The following TMEM178B variants were observed in gnomAD, a reference collection of about 807,000 sequenced individuals.
TMEM178B encodes the protein transmembrane protein 178B.
In TMEM178B, 5 loss-of-function variants were observed where a neutral mutation model predicts 31.0. That is an observed-to-expected ratio of 0.16 (90% CI 0.08 to 0.34). TMEM178B has a LOEUF of 0.34. Ranked by LOEUF, TMEM178B falls within the 10% of genes least tolerant of loss-of-function variation. The pLI is 1.00. For synonymous variants in TMEM178B, 164 were observed against 164.0 expected (o/e 1.00, Z 0.00); for missense variants, 275 against 400.3 (o/e 0.69, Z 2.67).
At chr7:141,274,621 GTCCAA>G (rs561929302) in intron 2 of TMEM178B, among the ~76,000 whole-genome samples, 9 of 152,206 alleles carry the variant, frequency 5.9e-5, no homozygotes, top group Non-Finnish European at 1.3e-4. Flanking sequence ...CAATCTGCAG[GTCCAA>G]GCTCTGTCCA....
At position 141,210,932 on chromosome 7, in the gene TMEM178B, G is replaced by T. The variant is rs1280651908; in HGVS notation, c.383-1659G>T. On this transcript the variant is annotated intron_variant, in intron 1 of 3. Coordinates refer to ENST00000565468, the MANE Select transcript of TMEM178B (RefSeq NM_001195278.2). ...ACCAGCTGGATGTCAGGAAGGCAGGGCGCCCTTGAGGAGGAGGCAGCATTT... is the reference window on the plus strand; with the variant it reads ...ACCAGCTGGATGTCAGGAAGGCAGGTCGCCCTTGAGGAGGAGGCAGCATTT... Among the ~76,000 whole-genome samples the T allele has an allele frequency of 3.3e-5, 5 of 152,270 alleles. No homozygotes were observed. In the East Asian group the frequency reaches 9.6e-4, roughly 29 times the overall value.
At chr7:141,494,320 T>C in the TMEM178B span, among the ~76,000 whole-genome samples, 12 of 152,202 alleles carry the variant, frequency 7.9e-5, no homozygotes, top group Non-Finnish European at 1.5e-4. Flanking sequence ...AAAAGTTGAT[T>C]CTGATTTCAG....
intron 2 of TMEM178B, among the ~76,000 whole-genome samples, chr7:141,361,701 C>T (rs960193420): frequency 2.6e-5 from 4 of 152,224 alleles, no homozygotes; most frequent in African/African-American, 9.6e-5. Context: ...CCATCACCCT[C>T]TCTTGATTGT....
intron 1 of TMEM178B, among the ~76,000 whole-genome samples, chr7:141,079,246 C>T (rs916799332): frequency 2.7e-4 from 41 of 152,222 alleles, no homozygotes; most frequent in African/African-American, 9.4e-4. Flanking sequence ...GGTATCATGC[C>T]GTTGCACTCC....
chr7:141,145,567 CT>C (rs1444109115), intron 1 of TMEM178B, among the ~76,000 whole-genome samples: 11 of 152,310 alleles, frequency 7.2e-5, no homozygotes, highest in Non-Finnish European at 1.5e-4. Flanking sequence ...GTATTCACCC[CT>C]GAGCCAGGCA....
chr7:141,162,327 C>A (rs1470430714), intron 1 of TMEM178B, among the ~76,000 whole-genome samples: 1 of 152,220 alleles, frequency 6.6e-6, no homozygotes, highest in East Asian at 1.9e-4. Context: ...GTGGCCTGAC[C>A]GTCCTTTGAC....
At chr7:141,456,627 GT>G (rs1933471644) in intron 3 of TMEM178B, among the ~76,000 whole-genome samples, 1 of 152,212 alleles carries the variant, frequency 6.6e-6, no homozygotes. Context: ...GGAAGATGCA[GT>G]GTCAGAAAAG....
At chr7:141,177,423 G>A (rs1238376936) in intron 1 of TMEM178B, among the ~76,000 whole-genome samples, 1 of 152,218 alleles carries the variant, frequency 6.6e-6, no homozygotes, top group East Asian at 1.9e-4. Flanking sequence ...ATATTCTGTT[G>A]ATTTGGGGTG....
intron 2 of TMEM178B, among the ~76,000 whole-genome samples, chr7:141,301,261 G>A (rs1395855149): frequency 1.3e-5 from 2 of 152,208 alleles, no homozygotes; most frequent in Non-Finnish European, 2.9e-5. Flanking sequence ...ATGGGGTTGT[G>A]TGGGTATCCT....
intron 2 of TMEM178B, among the ~76,000 whole-genome samples, chr7:141,335,191 G>A (rs1799363185): frequency 6.6e-6 from 1 of 152,132 alleles, no homozygotes; most frequent in South Asian, 2.1e-4. Context: ...AGAGAGTCTG[G>A]CCCAGCAGAA....
chr7:141,371,259 A>G (rs1800110182), intron 2 of TMEM178B, among the ~76,000 whole-genome samples: 1 of 151,920 alleles, frequency 6.6e-6, no homozygotes, highest in Non-Finnish European at 1.5e-5. Flanking sequence ...GGGGTAAGTG[A>G]GTTCTCACTC....
intron 3 of TMEM178B, among the ~76,000 whole-genome samples, chr7:141,443,924 C>G (rs747285016): frequency 1.3e-5 from 2 of 152,188 alleles, no homozygotes; most frequent in Non-Finnish European, 2.9e-5. Flanking sequence ...TTGTTGCTCT[C>G]ATTGGTACAG....
At chr7:141,288,663 G>C (rs1049393528) in intron 2 of TMEM178B, among the ~76,000 whole-genome samples, 2 of 152,148 alleles carry the variant, frequency 1.3e-5, no homozygotes, top group African/African-American at 4.8e-5. Context: ...GTCCTTTGCA[G>C]ACGGACTGCT....
intron 1 of TMEM178B, among the ~76,000 whole-genome samples, chr7:141,081,525 A>T (rs1794684953): frequency 6.6e-6 from 1 of 152,028 alleles, no homozygotes; most frequent in Non-Finnish European, 1.5e-5. Flanking sequence ...AATCCCAGCT[A>T]CTTGGGAGGC....
intron 2 of TMEM178B, among the ~76,000 whole-genome samples, chr7:141,384,710 G>A (rs1039218501): frequency 1.3e-5 from 2 of 152,240 alleles, no homozygotes; most frequent in Admixed American, 6.5e-5. Flanking sequence ...CTCTTTTTTG[G>A]TTCCATATGA....
intron 2 of TMEM178B, among the ~76,000 whole-genome samples, chr7:141,314,471 G>A (rs752235036): frequency 6.6e-6 from 1 of 152,160 alleles, no homozygotes; most frequent in Non-Finnish European, 1.5e-5. Flanking sequence ...GCAATCGTGT[G>A]GTTGCTTATA....
At chr7:141,508,664 T>A in the TMEM178B span, among the ~76,000 whole-genome samples, 1 of 152,192 alleles carries the variant, frequency 6.6e-6, no homozygotes, top group African/African-American at 2.4e-5. Context: ...GAAAGGCACT[T>A]CTTACATGGT....
At chr7:141,321,292 A>G (rs1270230011) in intron 2 of TMEM178B, among the ~76,000 whole-genome samples, 2 of 152,222 alleles carry the variant, frequency 1.3e-5, no homozygotes, top group Non-Finnish European at 2.9e-5. Flanking sequence ...TACCTTCCCA[A>G]GATGCCAATG....
chr7:141,291,637 C>T (rs144636341), intron 2 of TMEM178B, among the ~76,000 whole-genome samples: 1 of 152,022 alleles, frequency 6.6e-6, no homozygotes, highest in Non-Finnish European at 1.5e-5. Context: ...TACTCCTTCC[C>T]CATCCACCAA....
Sources: allele counts gnomAD v4.1 joint callset (sites outside exome capture counted in the v4.1 genomes callset), GRCh38; gene constraint gnomAD v4.1.1; transcripts MANE v1.5; gene names NCBI Gene and HGNC (gene_info 2026-07-23, HGNC 2026-07-21).